GLT1D1: variants seen among roughly 807,000 people sequenced by gnomAD.
GLT1D1 encodes the protein glycosyltransferase 1 domain containing 1.
Under a neutral mutation model 28.7 loss-of-function variants are expected in GLT1D1, and 21 were observed. The observed-to-expected ratio is 0.73, with a 90% CI of 0.52 to 1.05. The LOEUF is 1.05. Among genes scored for constraint, GLT1D1 ranks in the 50% least tolerant of loss-of-function variants. The pLI, the probability that GLT1D1 is intolerant of heterozygous loss-of-function variation, is 0.00. For synonymous variants in GLT1D1, 147 were observed against 124.8 expected, an observed-to-expected ratio of 1.18 and a Z score of -1.19; for missense variants, 343 against 330.6, an observed-to-expected ratio of 1.04 and a Z score of -0.29.
chr12:128,872,676 T>C (rs1053165088), intron 1 of GLT1D1, among the ~76,000 whole-genome samples: 4 of 152,166 alleles, frequency 2.6e-5, no homozygotes, highest in African/African-American at 7.2e-5. Context: ...TTGAGCTGAA[T>C]ACGGTGAGCT....
intron 7 of GLT1D1, among the ~76,000 whole-genome samples, chr12:128,975,379 G>T (rs1879671506): frequency 6.6e-6 from 1 of 152,160 alleles, no homozygotes. Flanking sequence ...TGACTGAGAG[G>T]TTATTTCTGA....
chr12:128,878,101 T>A (rs1405719291), intron 2 of GLT1D1, among the ~76,000 whole-genome samples: 2 of 152,228 alleles, frequency 1.3e-5, no homozygotes, highest in African/African-American at 4.8e-5. Flanking sequence ...AATCCCACAA[T>A]ATCCTTCTGA....
intron 1 of GLT1D1, among the ~76,000 whole-genome samples, chr12:128,868,271 C>T (rs545971150): frequency 9.8e-5 from 15 of 152,304 alleles, no homozygotes; most frequent in Admixed American, 2.0e-4. Context: ...TCTGAAAACA[C>T]GACCCAGGTC....
intron 4 of GLT1D1, among the ~76,000 whole-genome samples, chr12:128,915,367 A>AT (rs111881790): frequency 0.16 from 23,207 of 143,718 alleles, 1,978 homozygotes; most frequent in African/African-American, 0.19. Context: ...TATGCAACAC[A>AT]TTTTTTTTTT....
intron 2 of GLT1D1, among the ~76,000 whole-genome samples, chr12:128,883,034 C>A (rs1004345629): frequency 2.6e-5 from 4 of 151,484 alleles, no homozygotes; most frequent in Non-Finnish European, 5.9e-5. Flanking sequence ...TCAAGCAATT[C>A]TCCTGCCTCA....
chr12:128,936,969 T>C (rs867964470), intron 4 of GLT1D1, among the ~76,000 whole-genome samples: 4 of 152,198 alleles, frequency 2.6e-5, no homozygotes, highest in Non-Finnish European at 5.9e-5. Context: ...TCCAGAAAAA[T>C]TTAATGCAGT....
At position 128,940,903 on chromosome 12, in the gene GLT1D1, A is replaced by C. The variant is rs779865327; in HGVS notation, c.376-4423A>C. Among the ~76,000 whole-genome samples the C allele has an allele frequency of 7.6e-4, 116 of 152,126 alleles. 1 individual carries two copies. The highest frequency in any genetic ancestry group is 2.1e-4 in the Non-Finnish European group (14 of 68,020). On this transcript the variant is annotated intron_variant, in intron 4 of 7. Transcript: ENST00000281703. ...AACCATCACACCTATCTCATTCCTG[A>C]ATATTTTTTCTCTCCCCAAGAGGAT...
At position 128,949,659 on chromosome 12, in the gene GLT1D1, C is replaced by T. The variant is rs543376374; in HGVS notation, c.540+2201C>T. Among the ~76,000 whole-genome samples the T allele has an allele frequency of 1.2e-3, 186 of 152,194 alleles. No homozygotes were observed. In the Middle Eastern group the frequency reaches 0.02, roughly 17 times the overall value. On this transcript the variant is annotated intron_variant, in intron 6 of 7. Coordinates refer to ENST00000281703, the MANE Select transcript of GLT1D1 (RefSeq NM_144669.3). ...CTAATCAGTTGTTTCCACTTTTGAGCTTTTTGACGGAGTTGAATCCTGCAG... is the reference window on the plus strand; with the variant it reads ...CTAATCAGTTGTTTCCACTTTTGAGTTTTTTGACGGAGTTGAATCCTGCAG...
chr12:128,916,226 T>G (rs1872099429), intron 4 of GLT1D1, among the ~76,000 whole-genome samples: 1 of 152,226 alleles, frequency 6.6e-6, no homozygotes, highest in Non-Finnish European at 1.5e-5. Context: ...TTTGGAATGG[T>G]GTATTTCATT....
intron 4 of GLT1D1, chr12:128,930,398 A>G (rs1050138378): frequency 6.6e-5 from 10 of 152,338 alleles, no homozygotes; most frequent in Middle Eastern, 3.4e-3. Context: ...TCTCAGGTAC[A>G]GTGCTTGATA....
intron 3 of GLT1D1, among the ~76,000 whole-genome samples, chr12:128,897,824 A>G (rs956347941): frequency 1.3e-5 from 2 of 151,780 alleles, no homozygotes; most frequent in African/African-American, 4.8e-5. Flanking sequence ...GCCCGCCACC[A>G]TGCCCGGCTA....
chr12:128,918,793 C>A (rs189919481), intron 4 of GLT1D1, among the ~76,000 whole-genome samples: 61 of 152,332 alleles, frequency 4.0e-4, no homozygotes, highest in Non-Finnish European at 1.5e-5. Flanking sequence ...AACTAAGATT[C>A]ATAATTTCCA....
At position 128,876,410 on chromosome 12, in the gene GLT1D1, G is replaced by T. The variant is rs1013542201; in HGVS notation, c.217+348G>T. On this transcript the variant is annotated intron_variant, in intron 2 of 7. Transcript: ENST00000281703. ...TGCAACCTCCGCTTCCTGGGCTCAAGCAATCCTCCCACTTCAGCCTCCCAA... is the reference window on the plus strand; with the variant it reads ...TGCAACCTCCGCTTCCTGGGCTCAATCAATCCTCCCACTTCAGCCTCCCAA... Among the ~76,000 whole-genome samples the T allele has an allele frequency of 2.0e-5, 3 of 152,106 alleles. No homozygotes were observed. The East Asian group carries it at 5.8e-4, about 29-fold the overall frequency.
At chr12:128,967,735 C>T (rs1161909490) in intron 7 of GLT1D1, among the ~76,000 whole-genome samples, 1 of 152,210 alleles carries the variant, frequency 6.6e-6, no homozygotes, top group Non-Finnish European at 1.5e-5. Context: ...TTGGGGAGGC[C>T]ACTGGCCAAC....
chr12:128,983,171 GC>G lies in GLT1D1; in HGVS notation c.*84del. 1 of 1,290,350 alleles carries G rather than the reference GC, an allele frequency of 7.7e-7. No homozygotes were observed. The highest frequency in any genetic ancestry group is 1.1e-6 in the Non-Finnish European group (1 of 913,110). The allele number at this position is 1,290,350 out of a possible 1,614,324, so 79.9% of individuals were successfully genotyped here. A position where few individuals can be genotyped will look rare whatever the true frequency, so the allele number is the denominator to read the frequency against. On this transcript the variant is annotated 3_prime_UTR_variant, in exon 8 of 8. Coordinates refer to ENST00000281703, the MANE Select transcript of GLT1D1 (RefSeq NM_144669.3). This position sits in a 1 kb window ranked among gnomAD's most constrained non-coding sequence, Gnocchi z 4.7. ...AGAGACAGAGTTCTGGATCACGTGG[GC>G]CCAGTGCAGTTCAAATAAAACCAGC...
intron 4 of GLT1D1, among the ~76,000 whole-genome samples, chr12:128,943,865 G>A (rs1875674343): frequency 6.6e-6 from 1 of 152,172 alleles, no homozygotes; most frequent in Admixed American, 6.5e-5. Flanking sequence ...ATCGATCTGT[G>A]CAAACATTTC....
chr12:128,867,053 A>G, intron 1 of GLT1D1, among the ~76,000 whole-genome samples: 1 of 151,994 alleles, frequency 6.6e-6, no homozygotes, highest in Non-Finnish European at 1.5e-5. Flanking sequence ...TGCCTCTGAC[A>G]TAGAGGAGAT....
At chr12:128,924,284 C>T (rs1024303108) in intron 4 of GLT1D1, among the ~76,000 whole-genome samples, 3 of 151,530 alleles carry the variant, frequency 2.0e-5, no homozygotes, top group Non-Finnish European at 4.4e-5. Flanking sequence ...AAAAGTAGCT[C>T]GGGGTGGTGG....
intron 6 of GLT1D1, among the ~76,000 whole-genome samples, chr12:128,950,614 C>CT (rs1411927955): frequency 2.0e-5 from 3 of 152,192 alleles, no homozygotes; most frequent in Non-Finnish European, 4.4e-5. Context: ...GTGCCCCCCC[C>CT]TCACAGATCA....
Sources: gnomAD v4.1 joint callset for allele counts (sites outside exome capture counted in the v4.1 genomes callset) on GRCh38, gnomAD v4.1.1 for gene constraint, Gnocchi (gnomAD v3.1) non-coding constraint, MANE v1.5 for transcripts, NCBI Gene and HGNC (gene_info 2026-07-23, HGNC 2026-07-21) for gene names.